MAP2: variants seen among roughly 807,000 people sequenced by gnomAD.
MAP2 encodes the protein microtubule associated protein 2, also known as microtubule-associated protein 2.
A neutral mutation model predicts 137.6 loss-of-function variants in MAP2; 14 were observed. That is an observed-to-expected ratio of 0.10 (90% confidence interval 0.07 to 0.16). The LOEUF is 0.16. Ranked by LOEUF, MAP2 falls within the 10% of genes least tolerant of loss-of-function variation. The probability of loss-of-function intolerance (pLI) is 1.00; values close to 1 mark genes in which losing one functional copy is unlikely to be tolerated. For missense variants in MAP2, 2,088 were observed against 2,191.5 expected, an observed-to-expected ratio of 0.95 and a Z score of 0.94; for synonymous variants, 786 against 782.3, an observed-to-expected ratio of 1.00 and a Z score of -0.08.
intron 3 of MAP2, among the ~76,000 whole-genome samples, chr2:209,595,242 C>T (rs1369639774): frequency 6.6e-6 from 1 of 152,010 alleles, no homozygotes; most frequent in East Asian, 1.9e-4. Flanking sequence ...GTGTGTGATC[C>T]TTGTCTTGGC....
chr2:209,603,472 C>A (rs374528761), intron 3 of MAP2, among the ~76,000 whole-genome samples: 33 of 152,140 alleles, frequency 2.2e-4, no homozygotes, highest in African/African-American at 7.7e-4. Flanking sequence ...CAATCTGCCC[C>A]CAGTGATGTT....
At chr2:209,689,384 T>C (rs1419662986) in intron 7 of MAP2, among the ~76,000 whole-genome samples, 20 of 152,154 alleles carry the variant, frequency 1.3e-4, no homozygotes, top group Admixed American at 1.3e-3. Flanking sequence ...TCTTTTTATC[T>C]GTAGTCTTTC....
At chr2:209,647,191 A>G (rs527714516) in intron 4 of MAP2, among the ~76,000 whole-genome samples, 1 of 152,182 alleles carries the variant, frequency 6.6e-6, no homozygotes, top group East Asian at 1.9e-4. Context: ...GGATGGTGCT[A>G]AACCATTCAT....
At chr2:209,434,076 A>C (rs1055798810) in intron 1 of MAP2, among the ~76,000 whole-genome samples, 1 of 152,070 alleles carries the variant, frequency 6.6e-6, no homozygotes, top group African/African-American at 2.4e-5. Context: ...AAATGAGCGG[A>C]TCCAGTTTCA....
chr2:209,572,808 T>C (rs1193299537), intron 2 of MAP2, among the ~76,000 whole-genome samples: 3 of 152,200 alleles, frequency 2.0e-5, no homozygotes, highest in Admixed American at 6.5e-5. Flanking sequence ...GTTAATACTT[T>C]TTATAGTTTT....
intron 1 of MAP2, among the ~76,000 whole-genome samples, chr2:209,500,278 T>C (rs910041091): frequency 1.3e-5 from 2 of 152,186 alleles, no homozygotes; most frequent in African/African-American, 4.8e-5. Flanking sequence ...TCATTCAAGG[T>C]CATTACTTCC....
chr2:209,488,307 C>T (rs961919833), intron 1 of MAP2, among the ~76,000 whole-genome samples: 3 of 152,164 alleles, frequency 2.0e-5, no homozygotes, highest in East Asian at 1.9e-4. Context: ...GAGGTTGCCT[C>T]GGGTGCCTAT....
At chr2:209,504,940 C>T (rs529137528) in intron 1 of MAP2, among the ~76,000 whole-genome samples, 7 of 152,276 alleles carry the variant, frequency 4.6e-5, no homozygotes, top group Admixed American at 3.3e-4. Flanking sequence ...CAGTAGTGCA[C>T]ATGCAACCCA....
intron 2 of MAP2, among the ~76,000 whole-genome samples, chr2:209,512,873 C>G (rs13027599): frequency 0.058 from 8,802 of 152,142 alleles, 289 homozygotes; most frequent in South Asian, 0.092. Context: ...TGGTCTTGAT[C>G]TGACATGAAG....
At chr2:209,469,076 A>C (rs1314071410) in intron 1 of MAP2, among the ~76,000 whole-genome samples, 1 of 152,204 alleles carries the variant, frequency 6.6e-6, no homozygotes, top group Non-Finnish European at 1.5e-5. Context: ...AGATTTGGGG[A>C]ATCATCTTGT....
chr2:209,619,400 A>G (rs951910897), intron 3 of MAP2, among the ~76,000 whole-genome samples: 1 of 152,090 alleles, frequency 6.6e-6, no homozygotes, highest in Non-Finnish European at 1.5e-5. Flanking sequence ...AAATATATAT[A>G]ATTTTATCTG....
chr2:209,514,372 G>C (rs2150309685), intron 2 of MAP2, among the ~76,000 whole-genome samples: 1 of 151,738 alleles, frequency 6.6e-6, no homozygotes, highest in Non-Finnish European at 1.5e-5. Context: ...GAATGCTCTA[G>C]CTCATTCTTT....
chr2:209,682,953 C>G (rs1183522259), intron 7 of MAP2, among the ~76,000 whole-genome samples: 1 of 152,048 alleles, frequency 6.6e-6, no homozygotes, highest in Non-Finnish European at 1.5e-5. Flanking sequence ...ATCAGAGAAT[C>G]CTCTTAACCC....
chr2:209,715,718 C>T (rs1028988503), intron 13 of MAP2, among the ~76,000 whole-genome samples: 1 of 152,176 alleles, frequency 6.6e-6, no homozygotes, highest in African/African-American at 2.4e-5. Context: ...GCCTTTCAGG[C>T]AAAGGGAACC....
At chr2:209,551,424 C>T (rs1168360027) in intron 2 of MAP2, among the ~76,000 whole-genome samples, 1 of 152,140 alleles carries the variant, frequency 6.6e-6, no homozygotes, top group African/African-American at 2.4e-5. Flanking sequence ...CCCTAGAAAG[C>T]TCATTGCATT....
At chr2:209,614,176 C>T (rs2088135560) in intron 3 of MAP2, among the ~76,000 whole-genome samples, 1 of 151,954 alleles carries the variant, frequency 6.6e-6, no homozygotes, top group African/African-American at 2.4e-5. Flanking sequence ...TTCCGACTGC[C>T]CCTCATCTCA....
chr2:209,490,125 A>G (rs1020511267), intron 1 of MAP2, among the ~76,000 whole-genome samples: 2 of 152,190 alleles, frequency 1.3e-5, no homozygotes, highest in Admixed American at 6.5e-5. Context: ...GAAAATATTC[A>G]ACATTCTTAA....
chr2:209,546,358 T>G (rs2068066896), intron 2 of MAP2, among the ~76,000 whole-genome samples: 1 of 152,220 alleles, frequency 6.6e-6, no homozygotes, highest in Non-Finnish European at 1.5e-5. Flanking sequence ...TTGTGCATCT[T>G]AATGCTACAT....
At chr2:209,515,549 A>C (rs1392914277) in intron 2 of MAP2, among the ~76,000 whole-genome samples, 1 of 152,038 alleles carries the variant, frequency 6.6e-6, no homozygotes, top group African/African-American at 2.4e-5. Context: ...TAAAACCATC[A>C]GCTCTTATGA....
Sources: gnomAD v4.1 joint callset for allele counts (sites outside exome capture counted in the v4.1 genomes callset) on GRCh38, gnomAD v4.1.1 for gene constraint, MANE v1.5 for transcripts, NCBI Gene and HGNC (gene_info 2026-07-23, HGNC 2026-07-21) for gene names.